R3HDM1: variants seen among roughly 807,000 people sequenced by gnomAD.
The protein encoded by R3HDM1 is R3H domain containing 1, also known as R3H domain-containing protein 1.
A neutral mutation model predicts 141.1 loss-of-function variants in R3HDM1; 46 were observed. That is an observed-to-expected ratio of 0.33 (90% CI 0.26 to 0.42). R3HDM1 has a LOEUF of 0.42. R3HDM1 is among the 10% of genes least tolerant of loss of function. The pLI, the probability that R3HDM1 is intolerant of heterozygous loss-of-function variation, is 1.00. For synonymous variants in R3HDM1, 435 were observed against 472.9 expected (o/e 0.92, Z 1.04); for missense variants, 1,184 against 1,368.3 (o/e 0.87, Z 2.12).
chr2:135,710,765 T>A (rs553631849), intron 23 of R3HDM1, among the ~76,000 whole-genome samples: 63 of 152,280 alleles, frequency 4.1e-4, no homozygotes, highest in African/African-American at 1.4e-3. Flanking sequence ...TAAAATTTGG[T>A]GAAGAAAAAT....
chr2:135,601,998 T>A (rs1434914986), intron 1 of R3HDM1, among the ~76,000 whole-genome samples: 1 of 146,842 alleles, frequency 6.8e-6, no homozygotes, highest in African/African-American at 2.5e-5. Flanking sequence ...GAACAGACAA[T>A]GTGGGTTTCA....
Position 135,706,368 on chromosome 2 carries a change from TTTTTG to T in R3HDM1, c.2460-3060_2460-3056del, listed in dbSNP as rs1559483320. Among the ~76,000 whole-genome samples the T allele has an allele frequency of 4.5e-3, 662 of 146,878 alleles. 6 individuals are homozygous for T. The highest frequency in any genetic ancestry group is 0.015 in the African/African-American group (599 of 40,422). On this transcript the variant is annotated intron_variant, in intron 21 of 26. Transcript: ENST00000683871. Reference sequence around the variant, plus strand: ...TTTAGTTTACATATCCATAGTTTTGTTTTTGTTTTTGTTTTTGTTTTTGTTTTTTT... The same window carrying T: ...TTTAGTTTACATATCCATAGTTTTGTTTTTTGTTTTTGTTTTTGTTTTTTT...
At chr2:135,622,233 A>G in intron 6 of R3HDM1, 5 of 983,866 alleles carry the variant, frequency 5.1e-6, no homozygotes, top group Non-Finnish European at 6.0e-6. Context: ...TCTACCTCCA[A>G]ATTATTGCCT....
chr2:135,655,418 G>A (rs1168321727), intron 18 of R3HDM1, among the ~76,000 whole-genome samples: 2 of 152,006 alleles, frequency 1.3e-5, no homozygotes, highest in African/African-American at 4.8e-5. Flanking sequence ...GATTGCTGTG[G>A]CTTTGTAGTA....
intron 1 of R3HDM1, among the ~76,000 whole-genome samples, chr2:135,537,094 T>C (rs1696302992): frequency 6.6e-6 from 1 of 151,072 alleles, no homozygotes; most frequent in Admixed American, 6.6e-5. Flanking sequence ...GAGTAAAATA[T>C]CACCTTACAG....
At chr2:135,602,874 G>A (rs191585118) in intron 2 of R3HDM1, among the ~76,000 whole-genome samples, 166 bp downstream of exon 2, 18 of 151,138 alleles carry the variant, frequency 1.2e-4, no homozygotes, top group African/African-American at 4.0e-4. Context: ...AATTAAGGAA[G>A]ACATGGTTTT....
At chr2:135,566,692 C>A in intron 1 of R3HDM1, 5 of 962,712 alleles carry the variant, frequency 5.2e-6, no homozygotes, top group Non-Finnish European at 6.2e-6. Flanking sequence ...GTTTGGTGAG[C>A]AAGAGGTTCA....
intron 1 of R3HDM1, among the ~76,000 whole-genome samples, chr2:135,582,414 A>C (rs1707019942): frequency 6.6e-6 from 1 of 152,156 alleles, no homozygotes; most frequent in South Asian, 2.1e-4. Flanking sequence ...TGAATTTCTT[A>C]CCTCCTTTTA....
At chr2:135,581,242 G>A in intron 1 of R3HDM1, 1 of 985,362 alleles carries the variant, frequency 1.0e-6, no homozygotes. Flanking sequence ...AAGAAAGTGG[G>A]GTATAAGATC....
At chr2:135,713,339 G>A (rs952702588) in intron 23 of R3HDM1, among the ~76,000 whole-genome samples, 37 of 152,274 alleles carry the variant, frequency 2.4e-4, no homozygotes, top group South Asian at 1.0e-3. Flanking sequence ...ATAATCTGCC[G>A]TAGTAATAGT....
chr2:135,534,866 T>C (rs1695711975), intron 1 of R3HDM1, among the ~76,000 whole-genome samples: 1 of 152,218 alleles, frequency 6.6e-6, no homozygotes, highest in African/African-American at 2.4e-5. Context: ...TATACCTAAT[T>C]ACATCCATTT....
At chr2:135,675,202 G>A in intron 19 of R3HDM1, 130 bp from the exon 20 acceptor site, 1 of 915,010 alleles carries the variant, frequency 1.1e-6, no homozygotes, top group Non-Finnish European at 1.6e-6. Flanking sequence ...ATAATAGATG[G>A]TTTTAGGGGC....
At chr2:135,642,222 A>G (rs567248310) in intron 15 of R3HDM1, among the ~76,000 whole-genome samples, 6 of 151,976 alleles carry the variant, frequency 3.9e-5, no homozygotes, top group East Asian at 3.9e-4. Context: ...TGGAGGGGGG[A>G]AAAATAATTA....
At chr2:135,710,656 A>T (rs2075521539) in intron 23 of R3HDM1, among the ~76,000 whole-genome samples, 1 of 152,230 alleles carries the variant, frequency 6.6e-6, no homozygotes, top group South Asian at 2.1e-4. Flanking sequence ...GTCTCAAAAA[A>T]AAAAGACGGA....
chr2:135,561,191 G>A lies in R3HDM1; in HGVS notation c.-250+29558G>A, dbSNP rs970874538. 12 of 471,590 alleles carry A rather than the reference G, an allele frequency of 2.5e-5. No homozygotes were observed. The African/African-American group carries it at 2.5e-4, about 10-fold the overall frequency. 29.2% of individuals were successfully genotyped at this position (471,590 alleles called of 1,614,324 possible). A position where few individuals can be genotyped will look rare whatever the true frequency, so the allele number is the denominator to read the frequency against. Reference sequence around the variant, plus strand: ...AATGCTTCTGATACCAGGAATCTCTGCACTGTACATTCTGTGAGATGACCT... The same window carrying A: ...AATGCTTCTGATACCAGGAATCTCTACACTGTACATTCTGTGAGATGACCT... On this transcript the variant is annotated intron_variant, in intron 1 of 26. Transcript: ENST00000683871.
intron 18 of R3HDM1, among the ~76,000 whole-genome samples, chr2:135,656,072 T>C (rs999088367): frequency 3.3e-5 from 5 of 152,180 alleles, no homozygotes; most frequent in African/African-American, 1.2e-4. Flanking sequence ...GTTCTATCAG[T>C]TTTTTATAGT....
At chr2:135,540,838 A>G (rs1454794851) in intron 1 of R3HDM1, among the ~76,000 whole-genome samples, 4 of 152,242 alleles carry the variant, frequency 2.6e-5, no homozygotes, top group African/African-American at 9.6e-5. Context: ...AGTGTATTTC[A>G]TAAATATGAG....
At chr2:135,609,531 G>A (rs1574316051) in intron 3 of R3HDM1, among the ~76,000 whole-genome samples, 2 of 152,066 alleles carry the variant, frequency 1.3e-5, no homozygotes, top group East Asian at 1.9e-4. Context: ...GGTACATTTC[G>A]GACTTTATAT....
chr2:135,722,586 T>G (rs1284335903), intron 26 of R3HDM1, 33 bp downstream of exon 26: 1 of 1,581,476 alleles, frequency 6.3e-7, no homozygotes, highest in Non-Finnish European at 8.6e-7. Context: ...GATGTGGGTC[T>G]GCAAACTGGT....
Sources: allele counts gnomAD v4.1 joint callset (sites outside exome capture counted in the v4.1 genomes callset), GRCh38; gene constraint gnomAD v4.1.1; transcripts MANE v1.5; gene names NCBI Gene and HGNC (gene_info 2026-07-23, HGNC 2026-07-21).